The following ABHD2 variants were observed in gnomAD, a reference collection of about 807,000 sequenced individuals.
ABHD2 encodes the protein abhydrolase domain containing 2, acylglycerol lipase.
Under a neutral mutation model 48.1 loss-of-function variants are expected in ABHD2, and 20 were observed. The ratio of observed to expected loss-of-function variants is 0.42; its 90% CI spans 0.29 to 0.60. ABHD2 has a LOEUF of 0.60. Ranked by LOEUF, ABHD2 falls within the 20% of genes least tolerant of loss-of-function variation. The pLI, the probability that ABHD2 is intolerant of heterozygous loss-of-function variation, is 0.24. For synonymous variants in ABHD2, 209 were observed against 214.2 expected (o/e 0.98, Z 0.21); for missense variants, 405 against 550.9 (o/e 0.74, Z 2.65).
At chr15:89,135,406 CA>C (rs146662363) in intron 3 of ABHD2, 26,350 of 406,138 alleles carry the variant, frequency 0.065, 1 homozygote, top group South Asian at 0.087. Context: ...GTTAACTATA[CA>C]AAAAAAAAAA....
chr15:89,138,365 T>C (rs1047366863), intron 3 of ABHD2, among the ~76,000 whole-genome samples: 9 of 152,174 alleles, frequency 5.9e-5, no homozygotes, highest in Non-Finnish European at 1.0e-4. Context: ...CCCATGAAAG[T>C]AGGGTAAAAA....
chr15:89,110,883 C>G (rs913637141), intron 1 of ABHD2, among the ~76,000 whole-genome samples: 1 of 152,218 alleles, frequency 6.6e-6, no homozygotes, highest in Non-Finnish European at 1.5e-5. Flanking sequence ...CATTGTCTGT[C>G]ACATCACTCA....
In ABHD2 at chr15:89,167,574, A is replaced by G. The variant is rs1053500360; in HGVS notation, c.539-8238A>G. Among the ~76,000 whole-genome samples, 2 of 152,210 alleles carry G rather than the reference A, an allele frequency of 1.3e-5. No individual in the cohort carries two copies. The highest frequency in any genetic ancestry group is 4.8e-5 in the African/African-American group (2 of 41,444). ...TCTGAATACTTAAACCTTTAGCCAT[A>G]AGAGGGCAGTTTTAGGCATCCTATA... On this transcript the variant is annotated intron_variant, in intron 5 of 10. Coordinates refer to ENST00000352732, the MANE Select transcript of ABHD2 (RefSeq NM_152924.5). This position sits in a 1 kb window ranked among gnomAD's most constrained non-coding sequence, Gnocchi z 5.5.
At chr15:89,119,984 A>C (rs2150822035) in intron 3 of ABHD2, among the ~76,000 whole-genome samples, 1 of 152,316 alleles carries the variant, frequency 6.6e-6, no homozygotes, top group Admixed American at 6.5e-5. Flanking sequence ...GATTTACAAC[A>C]AGCTGTGAAT....
chr15:89,189,722 G>A lies in ABHD2; in HGVS notation c.927-1358G>A, dbSNP rs572327131. On this transcript the variant is annotated intron_variant, in intron 8 of 10. Coordinates refer to ENST00000352732, the MANE Select transcript of ABHD2 (RefSeq NM_152924.5). This position sits in a 1 kb window ranked among gnomAD's most constrained non-coding sequence, Gnocchi z 4.9. ...AGGAAATTGCTGGTATGTTCAGAAG[G>A]TGAAAAATGAATCTTACCCACCCTC... Among the ~76,000 whole-genome samples the A allele has an allele frequency of 4.0e-4, 61 of 152,234 alleles. No homozygotes were observed. The highest frequency in any genetic ancestry group is 1.4e-3 in the African/African-American group (60 of 41,544).
chr15:89,193,575 G>C, intron 10 of ABHD2: 1 of 507,438 alleles, frequency 2.0e-6, no homozygotes, highest in Non-Finnish European at 3.5e-6. Flanking sequence ...GGGCTTTGGG[G>C]AGTCACTTGA....
At chr15:89,061,963 G>T in the ABHD2 span, among the ~76,000 whole-genome samples, 1 of 152,290 alleles carries the variant, frequency 6.6e-6, no homozygotes, top group Non-Finnish European at 1.5e-5. Context: ...GCCATAGTTT[G>T]CATGATCAGG....
intron 3 of ABHD2, among the ~76,000 whole-genome samples, chr15:89,133,850 T>TG (rs1567083201): frequency 3.4e-5 from 5 of 147,790 alleles, no homozygotes; most frequent in African/African-American, 1.3e-4. Flanking sequence ...TTTTTTTTTT[T>TG]TTTTGAGACA....
rs2050581791 is a variant in ABHD2 at position 89,151,020 on chromosome 15, T to C, written c.195-657T>C. 6.6e-6 allele frequency among the ~76,000 whole-genome samples: 1 copy of C among 152,272 alleles called. No individual in the cohort carries two copies. The highest frequency in any genetic ancestry group is 2.4e-5 in the African/African-American group (1 of 41,470). On this transcript the variant is annotated intron_variant, in intron 3 of 10. Coordinates refer to ENST00000352732, the MANE Select transcript of ABHD2 (RefSeq NM_152924.5). This position sits in a 1 kb window ranked among gnomAD's most constrained non-coding sequence, Gnocchi z 4.7. ...CACTCTGTGTTTTTACAATGCACCG[T>C]TGTTAGCGAGGCTTCATGCCTTGCG...
At chr15:89,187,314 A>G (rs578228071) in intron 7 of ABHD2, among the ~76,000 whole-genome samples, 1 of 152,368 alleles carries the variant, frequency 6.6e-6, no homozygotes, top group African/African-American at 2.4e-5. Flanking sequence ...AAAGCCAAAC[A>G]TTTGGAAATT....
At chr15:89,157,159 T>C (rs888728335) in intron 5 of ABHD2, among the ~76,000 whole-genome samples, 2 of 152,372 alleles carry the variant, frequency 1.3e-5, no homozygotes, top group East Asian at 3.9e-4. Context: ...ATATGAATTA[T>C]TTAAAGTTTT....
At chr15:89,047,201 G>A in the ABHD2 span, among the ~76,000 whole-genome samples, 20 of 152,134 alleles carry the variant, frequency 1.3e-4, no homozygotes, top group African/African-American at 4.6e-4. Context: ...ATGTAGTTGA[G>A]CGGTTTTAAG....
intron 3 of ABHD2, among the ~76,000 whole-genome samples, chr15:89,139,018 C>CATAG (rs1567086101): frequency 0.03 from 4,579 of 152,020 alleles, 230 homozygotes; most frequent in African/African-American, 0.1. Flanking sequence ...GAGATCAAGA[C>CATAG]CAGCCCTGGC....
rs565523994 is a variant in ABHD2 at position 89,158,165 on chromosome 15, A to G, written c.538+2631A>G. On this transcript the variant is annotated intron_variant, in intron 5 of 10. Coordinates refer to ENST00000352732, the MANE Select transcript of ABHD2 (RefSeq NM_152924.5). ...GCACCAGACACAGTACTGATGTCAC[A>G]TGTAGGCACAATCTCTTTTATCTCC... 3.3e-5 allele frequency among the ~76,000 whole-genome samples: 5 copies of G among 152,318 alleles called. No individual in the cohort carries two copies. In the East Asian group the frequency reaches 9.7e-4, roughly 29 times the overall value.
chr15:89,148,548 C>T (rs1596116973), intron 3 of ABHD2, among the ~76,000 whole-genome samples: 1 of 152,350 alleles, frequency 6.6e-6, no homozygotes, highest in East Asian at 1.9e-4. Flanking sequence ...GCAGTATCTA[C>T]AAAATGTAAA....
chr15:89,156,971 C>A (rs539302815), intron 5 of ABHD2, among the ~76,000 whole-genome samples: 1 of 152,232 alleles, frequency 6.6e-6, no homozygotes, highest in Non-Finnish European at 1.5e-5. Context: ...TCCAACTACC[C>A]TTCTGTCTTT....
At chr15:89,042,159 C>T in the ABHD2 span, among the ~76,000 whole-genome samples, 1 of 152,172 alleles carries the variant, frequency 6.6e-6, no homozygotes, top group Non-Finnish European at 1.5e-5. Flanking sequence ...TAGCTGAGGA[C>T]TCAAGGGACA....
intron 3 of ABHD2, among the ~76,000 whole-genome samples, chr15:89,147,417 G>A (rs1199717037): frequency 4.9e-5 from 7 of 141,458 alleles, no homozygotes; most frequent in South Asian, 2.2e-4. Context: ...GCAGTGGCGC[G>A]ATCTCTGCTC....
In ABHD2 at chr15:89,174,444, G is replaced by A. The variant is rs1010201160; in HGVS notation, c.539-1368G>A. Among the ~76,000 whole-genome samples, 1 of 152,196 alleles carries A rather than the reference G, an allele frequency of 6.6e-6. No homozygotes were observed. The highest frequency in any genetic ancestry group is 2.4e-5 in the African/African-American group (1 of 41,442). On this transcript the variant is annotated intron_variant, in intron 5 of 10. Transcript: ENST00000352732. This position sits in a 1 kb window ranked among gnomAD's most constrained non-coding sequence, Gnocchi z 4.1. ...ATGGTCATTTCTAACACCCTCTCCA[G>A]GTGATTCTATGCACACTGCAGCTTA...
Sources: gnomAD v4.1 joint callset for allele counts (sites outside exome capture counted in the v4.1 genomes callset) on GRCh38, gnomAD v4.1.1 for gene constraint, Gnocchi (gnomAD v3.1) non-coding constraint, MANE v1.5 for transcripts, NCBI Gene and HGNC (gene_info 2026-07-23, HGNC 2026-07-21) for gene names.